Variants in NUP214 observed in about 807,000 individuals in gnomAD.
NUP214 encodes the protein nuclear pore complex protein Nup214.
Under a neutral mutation model 196.2 loss-of-function variants are expected in NUP214, and 79 were observed. The observed-to-expected ratio is 0.40, with a 90% CI of 0.34 to 0.49. NUP214 has a LOEUF of 0.49. Among genes scored for constraint, NUP214 ranks in the 20% least tolerant of loss-of-function variants. The probability of loss-of-function intolerance (pLI) is 0.58; values close to 1 mark genes in which losing one functional copy is unlikely to be tolerated. For synonymous variants in NUP214, 1,020 were observed against 990.5 expected (o/e 1.03, Z -0.56); for missense variants, 2,468 against 2,539.0 (o/e 0.97, Z 0.60).
intron 30 of NUP214, among the ~76,000 whole-genome samples, chr9:131,211,687 C>T (rs962765146): frequency 6.6e-6 from 1 of 152,200 alleles, no homozygotes; most frequent in South Asian, 2.1e-4. Context: ...GAACATAAAT[C>T]GTGAAAATGT....
intron 31 of NUP214, among the ~76,000 whole-genome samples, chr9:131,215,930 T>C: frequency 6.7e-6 from 1 of 148,860 alleles, no homozygotes; most frequent in African/African-American, 2.5e-5. Context: ...GAGACAGAGT[T>C]TCACTCTTGT....
chr9:131,187,553 AT>A (rs1367742108), intron 25 of NUP214, among the ~76,000 whole-genome samples, 189 bp downstream of exon 25: 2 of 151,990 alleles, frequency 1.3e-5, no homozygotes, highest in Non-Finnish European at 2.9e-5. Flanking sequence ...TGCCCAGTCA[AT>A]TTTTGTAGTT....
chr9:131,219,086 G>A (rs1834484105), intron 31 of NUP214, among the ~76,000 whole-genome samples: 1 of 152,034 alleles, frequency 6.6e-6, no homozygotes. Flanking sequence ...AAACCATCAA[G>A]CAGAAGGAAA....
chr9:131,155,150 A>G (rs909078375), intron 17 of NUP214, among the ~76,000 whole-genome samples: 2 of 152,214 alleles, frequency 1.3e-5, no homozygotes, highest in Non-Finnish European at 2.9e-5. Flanking sequence ...CCACACCAAC[A>G]TCTATTATTT....
At chr9:131,204,384 T>C (rs1834021124) in intron 30 of NUP214, among the ~76,000 whole-genome samples, 1 of 152,182 alleles carries the variant, frequency 6.6e-6, no homozygotes, top group Admixed American at 6.5e-5. Context: ...TTAGACCCAC[T>C]GAAAGGAGCA....
Position 131,192,195 on chromosome 9 carries a change from T to TTA in NUP214, c.3575-13_3575-12insTA, listed in dbSNP as rs760685437. 3.7e-5 allele frequency: 45 copies of TTA among 1,224,990 alleles called. No individual in the cohort carries two copies. The highest frequency in any genetic ancestry group is 4.9e-5 in the African/African-American group (3 of 61,416). The allele number at this position is 1,224,990 out of a possible 1,614,324, so 75.9% of individuals were successfully genotyped here. A position where few individuals can be genotyped will look rare whatever the true frequency, so the allele number is the denominator to read the frequency against. ...TTTTTTTTTTTTTTTTTTTTTTTTT[T>TTA]CCATAATTTCAGGGACAGCCAAGAT... is the stretch of plus-strand genomic sequence containing the variant. On this transcript the variant is annotated splice_polypyrimidine_tract_variant and intron_variant, in intron 26 of 35. Coordinates refer to ENST00000359428, the MANE Select transcript of NUP214 (RefSeq NM_005085.4).
intron 24 of NUP214, among the ~76,000 whole-genome samples, chr9:131,180,032 C>T (rs1177687895): frequency 6.6e-6 from 1 of 152,198 alleles, no homozygotes; most frequent in Non-Finnish European, 1.5e-5. Flanking sequence ...GTATGAGAAG[C>T]ACCTTTTGGA....
At chr9:131,203,537 A>T (rs1833998420) in intron 30 of NUP214, among the ~76,000 whole-genome samples, 1 of 152,180 alleles carries the variant, frequency 6.6e-6, no homozygotes, top group African/African-American at 2.4e-5. Context: ...TATGTTTCTT[A>T]TACATCTTCA....
At chr9:131,219,456 A>G (rs1409525207) in intron 31 of NUP214, among the ~76,000 whole-genome samples, 1 of 152,224 alleles carries the variant, frequency 6.6e-6, no homozygotes, top group Non-Finnish European at 1.5e-5. Context: ...ACCCCTGAGA[A>G]GTCGTGAGAA....
intron 9 of NUP214, chr9:131,136,879 T>G (rs1189683291): frequency 2.6e-5 from 4 of 152,234 alleles, no homozygotes; most frequent in Non-Finnish European, 5.9e-5. Context: ...GGCTTGAACT[T>G]AAAAATCTTT....
intron 24 of NUP214, among the ~76,000 whole-genome samples, chr9:131,186,579 T>G (rs1833454645): frequency 6.6e-6 from 1 of 152,194 alleles, no homozygotes; most frequent in Non-Finnish European, 1.5e-5. Flanking sequence ...TTGAAAAAAT[T>G]GCCGCTAGGA....
intron 29 of NUP214, 51 bp from the exon 30 acceptor site, chr9:131,201,595 TA>T: frequency 7.0e-7 from 1 of 1,421,046 alleles, no homozygotes; most frequent in Non-Finnish European, 9.9e-7. Context: ...TTTAATGTTG[TA>T]AAAGACTCAT....
Position 131,198,881 on chromosome 9 carries a change from G to T in NUP214, c.5387G>T (p.Gly1796Val), listed in dbSNP as rs777720694. ...CAGTCTTCTCCCAACACAGGAGGGGGGCTGTTTGGCCAAAGCAACGCTCCT... is the reference window on the plus strand; with the variant it reads ...CAGTCTTCTCCCAACACAGGAGGGGTGCTGTTTGGCCAAAGCAACGCTCCT... ...FGQSSPNTGG[G>V]LFGQSNAPAF... The change falls in exon 29 of 36, where the codon GGG becomes GTG. Residue 1796 changes from glycine to valine, a missense_variant. Around this residue, in one of 5 missense-constraint regions of NUP214, gnomAD observed 1,801 missense variants for 1,779.4 expected, o/e 1.01. Transcript: ENST00000359428. 78 of 1,614,050 alleles carry T rather than the reference G, an allele frequency of 4.8e-5. No individual in the cohort carries two copies. Among genetic ancestry groups the T allele is most frequent in the Non-Finnish European group, 6.4e-5 (75 of 1,180,042 alleles).
In NUP214 at chr9:131,197,340, C is replaced by T. The variant is rs770401989; in HGVS notation, c.3846C>T (p.Asn1282=). The T allele has an allele frequency of 6.2e-7, 1 of 1,614,194 alleles. No individual in the cohort carries two copies. The highest frequency in any genetic ancestry group is 8.5e-7 in the Non-Finnish European group (1 of 1,180,036). The change falls in exon 29 of 36, where the codon AAC becomes AAT. Residue 1282 remains asparagine, a synonymous_variant. Coordinates refer to ENST00000359428, the MANE Select transcript of NUP214 (RefSeq NM_005085.4). ...SPPSGITSAS[N]TTPGEPAASS... is the part of the protein sequence containing the mutation. ...CCTCAGGAATCACATCCGCATCAAACACCACCCCAGGAGAACCTGCCGCAT... is the reference window on the plus strand; with the variant it reads ...CCTCAGGAATCACATCCGCATCAAATACCACCCCAGGAGAACCTGCCGCAT...
At chr9:131,157,569 G>C (rs1832495124) in intron 17 of NUP214, among the ~76,000 whole-genome samples, 1 of 148,106 alleles carries the variant, frequency 6.8e-6, no homozygotes, top group African/African-American at 2.5e-5. Flanking sequence ...GGTTCATGTA[G>C]TTCTCCTGCC....
In NUP214 at chr9:131,168,331, A is replaced by G. The variant is rs12338914; in HGVS notation, c.2893+4187A>G. On this transcript the variant is annotated intron_variant, in intron 21 of 35. Transcript: ENST00000359428. ...TATGCACCTTTATTATCTTCCAGAA[A>G]CATTTAAGTTTGTCTTTCACAATTG... 1.9e-3 allele frequency among the ~76,000 whole-genome samples: 289 copies of G among 152,278 alleles called. 1 individual carries two copies. The highest frequency in any genetic ancestry group is 6.6e-3 in the African/African-American group (276 of 41,510).
intron 18 of NUP214, among the ~76,000 whole-genome samples, chr9:131,162,373 G>GCTT (rs1832666552): frequency 6.6e-6 from 1 of 152,170 alleles, no homozygotes; most frequent in Admixed American, 6.5e-5. Context: ...AATTAATGCA[G>GCTT]TCAGAAAAAA....
chr9:131,212,248 C>T (rs1834267233), intron 30 of NUP214, among the ~76,000 whole-genome samples: 1 of 152,212 alleles, frequency 6.6e-6, no homozygotes, highest in Non-Finnish European at 1.5e-5. Flanking sequence ...GATGTTATCA[C>T]TGATAATGCA....
At chr9:131,130,145 T>TG (rs1249885796) in intron 4 of NUP214, among the ~76,000 whole-genome samples, 2 of 108,716 alleles carry the variant, frequency 1.8e-5, no homozygotes, top group Middle Eastern at 4.0e-3. Context: ...TTGTTTTTTT[T>TG]TTTTTGTTTT....
Sources: gnomAD v4.1 joint callset for allele counts (sites outside exome capture counted in the v4.1 genomes callset) on GRCh38, gnomAD v4.1.1 for gene constraint, gnomAD v4.1.1 regional missense constraint, MANE v1.5 for transcripts, NCBI Gene and HGNC (gene_info 2026-07-23, HGNC 2026-07-21) for gene names.